TUSC3: variants seen among roughly 807,000 people sequenced by gnomAD.
TUSC3 encodes dolichyl-diphosphooligosaccharide--protein glycosyltransferase subunit TUSC3.
A neutral mutation model predicts 44.8 loss-of-function variants in TUSC3; 45 were observed. The observed-to-expected ratio is 1.00, with a 90% CI of 0.79 to 1.29. The LOEUF (loss-of-function observed/expected upper bound fraction) is 1.29. Among genes scored for constraint, TUSC3 ranks in the 50% most tolerant of loss-of-function variants. TUSC3 has a pLI of 0.00. For missense variants in TUSC3, 519 were observed against 437.9 expected (o/e 1.19, Z -1.65); for synonymous variants, 212 against 152.9 (o/e 1.39, Z -2.85).
intron 7 of TUSC3, among the ~76,000 whole-genome samples, chr8:15,739,495 T>C (rs1189459662): frequency 6.6e-6 from 1 of 152,172 alleles, no homozygotes; most frequent in Non-Finnish European, 1.5e-5. Context: ...TTTTAACTCA[T>C]ATAATTTGAA....
At chr8:15,719,495 TCACACACACACACACACACACCACACACA>T (rs1348470426) in intron 6 of TUSC3, among the ~76,000 whole-genome samples, 2 of 145,220 alleles carry the variant, frequency 1.4e-5, no homozygotes, top group Admixed American at 6.9e-5. Flanking sequence ...ATACAGTTCA[TCACACACACACACACACACACCACACACA>T]CACACACACA....
chr8:15,447,127 T>G (rs1021994602), intron 1 of TUSC3, among the ~76,000 whole-genome samples: 1 of 151,642 alleles, frequency 6.6e-6, no homozygotes, highest in African/African-American at 2.4e-5. Context: ...GCATAATAAG[T>G]ATACCTAAAT....
At chr8:15,676,215 A>G (rs570919493) in intron 6 of TUSC3, among the ~76,000 whole-genome samples, 1 of 152,276 alleles carries the variant, frequency 6.6e-6, no homozygotes, top group East Asian at 1.9e-4. Flanking sequence ...ATTATTAGAA[A>G]TTAAATGTAT....
intron 1 of TUSC3, among the ~76,000 whole-genome samples, chr8:15,451,865 A>G (rs1217670978): frequency 6.6e-6 from 1 of 152,126 alleles, no homozygotes; most frequent in Non-Finnish European, 1.5e-5. Flanking sequence ...GTGGGGGAAA[A>G]AAATCCCCAC....
At chr8:15,584,125 G>A (rs1282134869) in intron 1 of TUSC3, among the ~76,000 whole-genome samples, 1 of 152,160 alleles carries the variant, frequency 6.6e-6, no homozygotes, top group Non-Finnish European at 1.5e-5. Context: ...TTTAATTGAT[G>A]TTAAACTTGT....
chr8:15,524,709 C>A (rs1318491807), intron 2 of TUSC3, among the ~76,000 whole-genome samples: 1 of 152,074 alleles, frequency 6.6e-6, no homozygotes, highest in Non-Finnish European at 1.5e-5. Context: ...GACACCCAAA[C>A]CTAAAGTTCA....
chr8:15,480,141 T>C (rs77184734), intron 1 of TUSC3, among the ~76,000 whole-genome samples: 2,725 of 152,102 alleles, frequency 0.018, 80 homozygotes, highest in African/African-American at 0.062. Context: ...AAAGGACCTA[T>C]TCAAGGAGAA....
At chr8:15,495,879 C>G (rs907307184) in intron 2 of TUSC3, among the ~76,000 whole-genome samples, 1 of 152,094 alleles carries the variant, frequency 6.6e-6, no homozygotes, top group Non-Finnish European at 1.5e-5. Flanking sequence ...TCCTTGTTTA[C>G]TACTCATTTA....
At chr8:15,813,033 G>A in the TUSC3 span, among the ~76,000 whole-genome samples, 1 of 152,096 alleles carries the variant, frequency 6.6e-6, no homozygotes, top group Non-Finnish European at 1.5e-5. Flanking sequence ...AGCAGAGGAT[G>A]CAGTGAGCTG....
At position 15,765,905 on chromosome 8, in the gene TUSC3, A is replaced by T. The variant is rs1031243085; in HGVS notation, c.*1749A>T. 6.6e-6 allele frequency: 1 copy of T among 152,072 alleles called. No homozygotes were observed. Among genetic ancestry groups the T allele is most frequent in the Admixed American group, 6.6e-5 (1 of 15,238 alleles). 9.4% of individuals were successfully genotyped at this position (152,072 alleles called of 1,614,324 possible). ...TACAAGTATTAAACATTTGTTAATT[A>T]TAATCACTTTTGTTTGTATCCTTAA... On this transcript the variant is annotated 3_prime_UTR_variant, in exon 11 of 11. Coordinates refer to ENST00000503731, the MANE Select transcript of TUSC3 (RefSeq NM_006765.4).
intron 2 of TUSC3, among the ~76,000 whole-genome samples, chr8:15,517,522 C>CAAAAAAAAAAAAAAAA (rs71211049): frequency 2.6e-5 from 2 of 77,572 alleles, no homozygotes; most frequent in South Asian, 5.4e-4. Context: ...TAGCGTGAGG[C>CAAAAAAAAAAAAAAAA]AAAAAAAAAA....
intron 6 of TUSC3, among the ~76,000 whole-genome samples, chr8:15,691,722 A>G (rs1563175390): frequency 6.6e-6 from 1 of 152,156 alleles, no homozygotes; most frequent in Non-Finnish European, 1.5e-5. Context: ...ACATGAAGGA[A>G]TATTGAATTT....
At chr8:15,671,546 T>G (rs1357334601) in intron 5 of TUSC3, among the ~76,000 whole-genome samples, 2 of 152,024 alleles carry the variant, frequency 1.3e-5, no homozygotes, top group Non-Finnish European at 2.9e-5. Context: ...GTAAATACAT[T>G]TGCCACTACT....
At chr8:15,611,582 A>G (rs1231495311) in intron 1 of TUSC3, among the ~76,000 whole-genome samples, 2 of 152,190 alleles carry the variant, frequency 1.3e-5, no homozygotes, top group African/African-American at 2.4e-5. Flanking sequence ...TTCTTAACTG[A>G]TTAACCTCTT....
intron 2 of TUSC3, among the ~76,000 whole-genome samples, chr8:15,644,938 A>G (rs1007733646): frequency 6.6e-6 from 1 of 152,128 alleles, no homozygotes; most frequent in Non-Finnish European, 1.5e-5. Flanking sequence ...TATTCTAGCC[A>G]GAGCTATCCC....
intron 1 of TUSC3, among the ~76,000 whole-genome samples, chr8:15,482,865 C>T (rs1800681778): frequency 6.6e-6 from 1 of 152,136 alleles, no homozygotes; most frequent in Non-Finnish European, 1.5e-5. Context: ...ACTTTCTTCA[C>T]CTTTTTACAT....
chr8:15,585,469 G>A lies in TUSC3; in HGVS notation c.139-37611G>A, dbSNP rs896764881. 5.9e-5 allele frequency among the ~76,000 whole-genome samples: 9 copies of A among 152,308 alleles called. No homozygotes were observed. The East Asian group carries it at 7.7e-4, about 13-fold the overall frequency. The stretch of plus-strand genomic sequence containing the variant: ...ATAAGCGAAAGATAAAAAGCTGTCT[G>A]CTGTGAAGAGGGGACCTGGGAGAGG... On this transcript the variant is annotated intron_variant, in intron 1 of 10. Coordinates refer to ENST00000503731, the MANE Select transcript of TUSC3 (RefSeq NM_006765.4).
At chr8:15,786,014 A>G in the TUSC3 span, among the ~76,000 whole-genome samples, 1 of 152,234 alleles carries the variant, frequency 6.6e-6, no homozygotes, top group East Asian at 1.9e-4. Flanking sequence ...TTAATTCTTT[A>G]TACATTCTTG....
chr8:15,752,962 A>G (rs180741294), intron 9 of TUSC3, among the ~76,000 whole-genome samples: 3 of 152,114 alleles, frequency 2.0e-5, no homozygotes, highest in Admixed American at 2.0e-4. Flanking sequence ...AACTTGGTAC[A>G]AATATATGCA....
Sources: allele counts gnomAD v4.1 joint callset (sites outside exome capture counted in the v4.1 genomes callset), GRCh38; gene constraint gnomAD v4.1.1; transcripts MANE v1.5; gene names NCBI Gene and HGNC (gene_info 2026-07-23, HGNC 2026-07-21).